Variants in STON1 observed in about 807,000 individuals in gnomAD.
STON1 encodes the protein stonin-1.
STON1 carries 79 observed loss-of-function variants against 60.9 expected under a neutral mutation model. The observed-to-expected ratio is 1.30, with a 90% confidence interval of 1.08 to 1.56. The LOEUF is 1.56. STON1 is among the 40% of genes most tolerant of loss of function. STON1 has a pLI of 0.00. For missense variants in STON1, 1,166 were observed against 858.9 expected (o/e 1.36, Z -4.47); for synonymous variants, 363 against 306.9 (o/e 1.18, Z -1.91).
intron 1 of STON1, among the ~76,000 whole-genome samples, chr2:48,578,727 T>G (rs1179060787): frequency 1.3e-5 from 2 of 151,892 alleles, no homozygotes; most frequent in Non-Finnish European, 2.9e-5. Flanking sequence ...GGCTAATTTT[T>G]GGGCAGGTAC....
At chr2:48,579,519 G>T (rs550632907) in intron 1 of STON1, among the ~76,000 whole-genome samples, 57 of 152,184 alleles carry the variant, frequency 3.7e-4, no homozygotes, top group Non-Finnish European at 2.8e-4. Context: ...AAATATTTGT[G>T]AATTTTTTAG....
intron 1 of STON1, among the ~76,000 whole-genome samples, chr2:48,574,893 C>T (rs1383480629): frequency 6.6e-6 from 1 of 152,238 alleles, no homozygotes; most frequent in South Asian, 2.1e-4. Context: ...GAAATCTACT[C>T]TTTTAAAAGT....
intron 1 of STON1, among the ~76,000 whole-genome samples, chr2:48,546,099 C>G (rs1188747295): frequency 6.6e-6 from 1 of 152,202 alleles, no homozygotes; most frequent in African/African-American, 2.4e-5. Context: ...CTGCCATAGC[C>G]TCCTATCTGA....
intron 3 of STON1, among the ~76,000 whole-genome samples, chr2:48,594,054 C>G (rs1208233703): frequency 6.6e-6 from 1 of 152,172 alleles, no homozygotes; most frequent in Non-Finnish European, 1.5e-5. Context: ...CTCTCCAGGG[C>G]ATGGACAGAA....
At chr2:48,566,444 G>A (rs995525669) in intron 1 of STON1, among the ~76,000 whole-genome samples, 5 of 151,482 alleles carry the variant, frequency 3.3e-5, no homozygotes, top group Admixed American at 1.3e-4. Context: ...CACCATGCCC[G>A]GCTAATTTTT....
chr2:48,552,636 G>A lies in STON1; in HGVS notation c.-48+22420G>A, dbSNP rs112983555. Among the ~76,000 whole-genome samples, 542 of 152,102 alleles carry A rather than the reference G, an allele frequency of 3.6e-3. 1 individual carries two copies. The highest frequency in any genetic ancestry group is 9.6e-3 in the South Asian group (46 of 4,804). ...AAAAAAAAATTTAGCAGGGTATGGT[G>A]GCAGGCGCCTGTAATCCCAGCTACT... On this transcript the variant is annotated intron_variant, in intron 1 of 3. Transcript: ENST00000404752.
At chr2:48,573,318 G>C (rs1673313533) in intron 1 of STON1, among the ~76,000 whole-genome samples, 1 of 152,166 alleles carries the variant, frequency 6.6e-6, no homozygotes, top group Non-Finnish European at 1.5e-5. Flanking sequence ...GGAAACAGCA[G>C]GATCCCACTT....
chr2:48,581,562 A>T lies in STON1; in HGVS notation c.929A>T (p.Tyr310Phe). Residue 310 changes from tyrosine to phenylalanine, a missense_variant, in exon 2 of 4, where the codon TAT (tyrosine) becomes TTT (phenylalanine). Coordinates refer to ENST00000404752, the MANE Select transcript of STON1 (RefSeq NM_006873.4). The part of the protein sequence containing the change: ...KVLPGGILQM[Y>F]YEQGLEKPFK... Reference sequence around the variant, plus strand: ...TTGCCTGGAGGAATTTTGCAGATGTATTATGAACAGGGATTAGAAAAACCA... The same window carrying T: ...TTGCCTGGAGGAATTTTGCAGATGTTTTATGAACAGGGATTAGAAAAACCA... The T allele has an allele frequency of 6.2e-7, 1 of 1,614,244 alleles. No individual in the cohort carries two copies. Among genetic ancestry groups the T allele is most frequent in the Non-Finnish European group, 8.5e-7 (1 of 1,180,040 alleles).
chr2:48,539,652 C>A (rs1482870647), intron 1 of STON1, among the ~76,000 whole-genome samples: 1 of 152,066 alleles, frequency 6.6e-6, no homozygotes, highest in Non-Finnish European at 1.5e-5. Context: ...CAGGGGCATG[C>A]CAGCACACCA....
intron 1 of STON1, among the ~76,000 whole-genome samples, chr2:48,547,928 A>G (rs1050925612): frequency 2.6e-5 from 4 of 152,200 alleles, no homozygotes; most frequent in African/African-American, 9.7e-5. Flanking sequence ...AATTGTGAGC[A>G]TTGGGCTAGA....
chr2:48,541,630 T>C (rs1181726872), intron 1 of STON1, among the ~76,000 whole-genome samples: 2 of 131,154 alleles, frequency 1.5e-5, no homozygotes, highest in Admixed American at 9.3e-5. Flanking sequence ...ACCTAGGAGA[T>C]GGAGGTTATA....
At position 48,597,896 on chromosome 2, in the gene STON1, G is replaced by C. The variant is rs1312193061; in HGVS notation, c.*2594G>C. 6.6e-6 allele frequency: 1 copy of C among 152,196 alleles called. No individual in the cohort carries two copies. Among genetic ancestry groups the C allele is most frequent in the Non-Finnish European group, 1.5e-5 (1 of 68,038 alleles). 9.4% of individuals were successfully genotyped at this position (152,196 alleles called of 1,614,324 possible). ...GTTCAAATTAAGTAGAACTGCCCTTGCCGGAATAGTGATCTTCAAAAAACC... is the reference window on the plus strand; with the variant it reads ...GTTCAAATTAAGTAGAACTGCCCTTCCCGGAATAGTGATCTTCAAAAAACC... On this transcript the variant is annotated 3_prime_UTR_variant, in exon 4 of 4. Coordinates refer to ENST00000404752, the MANE Select transcript of STON1 (RefSeq NM_006873.4).
At chr2:48,595,184 G>A (rs753351721) in intron 3 of STON1, 44 bp from the exon 4 acceptor site, 2 of 1,479,720 alleles carry the variant, frequency 1.4e-6, no homozygotes, top group Non-Finnish European at 1.9e-6. Context: ...TGAGTGCTGT[G>A]TTGCATTTGT....
At chr2:48,531,028 T>C (rs989589435) in intron 1 of STON1, 10 of 152,244 alleles carry the variant, frequency 6.6e-5, no homozygotes, top group African/African-American at 2.4e-4. Context: ...GTTTCTAATA[T>C]CTAAAGACAG....
At position 48,581,746 on chromosome 2, in the gene STON1, C is replaced by G; in HGVS notation, c.1113C>G (p.Asp371Glu). The G allele has an allele frequency of 6.2e-7, 1 of 1,613,260 alleles. No individual in the cohort carries two copies. Among genetic ancestry groups the G allele is most frequent in the Non-Finnish European group, 8.5e-7 (1 of 1,179,866 alleles). ...HSKTEVVHEP[D>E]IEQMLKLGST... ...AGACAGAAGTAGTTCATGAACCTGA[C>G]ATAGAGCAGATGCTGAAGTTGGGGT... Residue 371 changes from aspartate to glutamate, a missense_variant, in exon 2 of 4, where the codon GAC becomes GAG. Transcript: ENST00000404752.
rs768840869 is a variant in STON1 at position 48,582,219 on chromosome 2, C to T, written c.1586C>T (p.Ser529Phe). ...TLYNGDNLPFSLKSVVVVQGA... is the reference protein window; with the variant it reads ...TLYNGDNLPFFLKSVVVVQGA... ...TATAATGGGGATAATCTTCCCTTTT[C>T]CTTGAAGTCTGTAGTGGTTGTCCAG... Residue 529 changes from serine (S) to phenylalanine (F), a missense_variant, in exon 2 of 4, where the codon TCC becomes TTC. Transcript: ENST00000404752. The T allele has an allele frequency of 1.2e-6, 2 of 1,614,088 alleles. No individual in the cohort carries two copies. The highest frequency in any genetic ancestry group is 1.3e-5 in the African/African-American group (1 of 74,930).
chr2:48,556,211 C>T (rs1263893458), intron 1 of STON1, among the ~76,000 whole-genome samples: 2 of 31,792 alleles, frequency 6.3e-5, no homozygotes, highest in Non-Finnish European at 1.4e-4. Context: ...GCTGGCCAGG[C>T]GGGGGGCTGA....
intron 1 of STON1, among the ~76,000 whole-genome samples, chr2:48,564,495 C>CTTCT (rs1672802565): frequency 8.6e-5 from 2 of 23,252 alleles, no homozygotes; most frequent in African/African-American, 2.0e-4. Flanking sequence ...TCTTCTTCTT[C>CTTCT]TTCTTCTTCT....
chr2:48,546,791 C>G (rs1050850178), intron 1 of STON1, among the ~76,000 whole-genome samples: 12 of 152,262 alleles, frequency 7.9e-5, no homozygotes, highest in Non-Finnish European at 1.5e-4. Context: ...GTCTCAAACT[C>G]CTGGCCTCAA....
Sources: allele counts gnomAD v4.1 joint callset (sites outside exome capture counted in the v4.1 genomes callset), GRCh38; gene constraint gnomAD v4.1.1; transcripts MANE v1.5; gene names NCBI Gene and HGNC (gene_info 2026-07-23, HGNC 2026-07-21).